NKAIN3: variants seen among roughly 807,000 people sequenced by gnomAD.
NKAIN3 encodes the protein sodium/potassium-transporting ATPase subunit beta-1-interacting protein 3.
A neutral mutation model predicts 30.2 loss-of-function variants in NKAIN3; 25 were observed. That is an observed-to-expected ratio of 0.83 (90% CI 0.60 to 1.16). The LOEUF is 1.16. Among genes scored for constraint, NKAIN3 ranks in the 50% most tolerant of loss-of-function variants. The probability of loss-of-function intolerance (pLI) is 0.00; values close to 1 mark genes in which losing one functional copy is unlikely to be tolerated. For missense variants in NKAIN3, 225 were observed against 254.1 expected, an observed-to-expected ratio of 0.89 and a Z score of 0.78; for synonymous variants, 91 against 89.6, an observed-to-expected ratio of 1.02 and a Z score of -0.09.
chr8:62,752,912 G>A (rs1483437224), intron 4 of NKAIN3, among the ~76,000 whole-genome samples: 2 of 152,114 alleles, frequency 1.3e-5, no homozygotes, highest in Non-Finnish European at 2.9e-5. Flanking sequence ...TATTTCTGAT[G>A]CAGACGCAAT....
At chr8:62,845,313 A>ATATATATATATATATATATATAT in intron 4 of NKAIN3, among the ~76,000 whole-genome samples, 2 of 138,586 alleles carry the variant, frequency 1.4e-5, no homozygotes, top group East Asian at 4.2e-4. Context: ...ATATATATAT[A>ATATATATATATATATATATATAT]GTACCTAATA....
At chr8:62,294,745 A>G (rs997941217) in intron 1 of NKAIN3, among the ~76,000 whole-genome samples, 8 of 152,022 alleles carry the variant, frequency 5.3e-5, no homozygotes, top group African/African-American at 9.7e-5. Flanking sequence ...GGGTCTCCCT[A>G]TGTTTCCCAG....
intron 1 of NKAIN3, among the ~76,000 whole-genome samples, chr8:62,475,581 A>C (rs527380176): frequency 6.6e-6 from 1 of 152,310 alleles, no homozygotes; most frequent in South Asian, 2.1e-4. Context: ...ATGTTTCATC[A>C]TCCCTAAAGA....
chr8:62,873,479 C>A (rs1373069530), intron 4 of NKAIN3, among the ~76,000 whole-genome samples: 1 of 148,164 alleles, frequency 6.7e-6, no homozygotes, highest in African/African-American at 2.5e-5. Context: ...AACTCTGGAT[C>A]AAATGGATCT....
rs1230773955 is a variant in NKAIN3, at chr8:62,978,027, G to GGGTA, written c.*12621_*12624dup. The GGGTA allele has an allele frequency of 6.5e-6, 1 of 154,522 alleles. No homozygotes were observed. The highest frequency in any genetic ancestry group is 2.4e-5 in the African/African-American group (1 of 41,488). The allele number at this position is 154,522 out of a possible 1,614,324, so 9.6% of individuals were successfully genotyped here. ...GGTCCACTCCATACCCTGTTTGCAT[G>GGGTA]GGTATCACCAGCAGAGGCTGCAGAA... On this transcript the variant is annotated 3_prime_UTR_variant, in exon 7 of 7. Coordinates refer to ENST00000623646, the MANE Select transcript of NKAIN3 (RefSeq NM_001304533.3).
chr8:62,405,920 A>G (rs1358651951), intron 1 of NKAIN3, among the ~76,000 whole-genome samples: 1 of 152,222 alleles, frequency 6.6e-6, no homozygotes, highest in East Asian at 1.9e-4. Context: ...CAAACTATTA[A>G]TAATTTACAC....
intron 4 of NKAIN3, among the ~76,000 whole-genome samples, chr8:62,792,720 C>T (rs1333017942): frequency 6.6e-6 from 1 of 151,986 alleles, no homozygotes; most frequent in Non-Finnish European, 1.5e-5. Flanking sequence ...CACAGATAAG[C>T]TGACACATGA....
At chr8:62,671,224 G>A (rs1813292324) in intron 3 of NKAIN3, among the ~76,000 whole-genome samples, 1 of 151,916 alleles carries the variant, frequency 6.6e-6, no homozygotes, top group African/African-American at 2.4e-5. Flanking sequence ...TTGATGATTT[G>A]AGATTTTTTT....
intron 4 of NKAIN3, among the ~76,000 whole-genome samples, chr8:62,872,327 G>A (rs1820672037): frequency 6.6e-6 from 1 of 152,236 alleles, no homozygotes; most frequent in Non-Finnish European, 1.5e-5. Flanking sequence ...GTGGTGACAT[G>A]TAGTGCAAGG....
intron 3 of NKAIN3, among the ~76,000 whole-genome samples, chr8:62,590,910 A>T (rs569310940): frequency 1.3e-5 from 2 of 152,072 alleles, no homozygotes; most frequent in South Asian, 4.1e-4. Flanking sequence ...TATTGAGTTC[A>T]GTATATTTGG....
rs532110210 is a variant in NKAIN3 at position 62,781,150 on chromosome 8, A to C, written c.471+34021A>C. Among the ~76,000 whole-genome samples the C allele has an allele frequency of 7.2e-5, 11 of 152,120 alleles. No individual in the cohort carries two copies. The East Asian group carries it at 1.9e-3, about 27-fold the overall frequency. On this transcript the variant is annotated intron_variant, in intron 4 of 6. Transcript: ENST00000623646. ...ATATGCAAATATTGAAATAGCCAAAAAGAAATCAAGAAGGCAATTCCATTT... is the reference window on the plus strand; with the variant it reads ...ATATGCAAATATTGAAATAGCCAAACAGAAATCAAGAAGGCAATTCCATTT...
chr8:62,504,035 A>G (rs940548317), intron 1 of NKAIN3, among the ~76,000 whole-genome samples: 5 of 152,202 alleles, frequency 3.3e-5, no homozygotes, highest in African/African-American at 1.2e-4. Context: ...AAATCTTCAC[A>G]ATTTATATTC....
At chr8:62,750,917 G>A (rs1334796008) in intron 4 of NKAIN3, among the ~76,000 whole-genome samples, 1 of 151,928 alleles carries the variant, frequency 6.6e-6, no homozygotes, top group Non-Finnish European at 1.5e-5. Flanking sequence ...ACCTGAAGCT[G>A]GCCAGTAACC....
chr8:62,354,712 G>A (rs1816290123), intron 1 of NKAIN3, among the ~76,000 whole-genome samples: 1 of 152,134 alleles, frequency 6.6e-6, no homozygotes, highest in Admixed American at 6.5e-5. Flanking sequence ...CAAAGTGCTG[G>A]GATTACAGAC....
chr8:62,633,831 C>A (rs1812040465), intron 3 of NKAIN3, among the ~76,000 whole-genome samples: 1 of 152,114 alleles, frequency 6.6e-6, no homozygotes, highest in Non-Finnish European at 1.5e-5. Context: ...ATGAAGAAGG[C>A]AGCCATTCCT....
intron 3 of NKAIN3, among the ~76,000 whole-genome samples, chr8:62,704,605 C>T (rs1814458721): frequency 6.6e-6 from 1 of 152,174 alleles, no homozygotes; most frequent in African/African-American, 2.4e-5. Context: ...TGCCAGTCTC[C>T]TTCATAGTAA....
At chr8:62,686,336 A>T (rs188765417) in intron 3 of NKAIN3, among the ~76,000 whole-genome samples, 34 of 152,142 alleles carry the variant, frequency 2.2e-4, no homozygotes, top group African/African-American at 7.5e-4. Context: ...CTCCCTGCCT[A>T]TTCCTACTCT....
At position 62,268,088 on chromosome 8, in the gene NKAIN3, A is replaced by G. The variant is rs544342963; in HGVS notation, c.54+18961A>G. Among the ~76,000 whole-genome samples the G allele has an allele frequency of 2.6e-5, 4 of 152,168 alleles. No individual in the cohort carries two copies. In the South Asian group the frequency reaches 6.2e-4, roughly 24 times the overall value. ...CATATAGTAAGAAATCAAGGAAGAA[A>G]TAGTTGCTGGGTTGGGATTCAATAA... On this transcript the variant is annotated intron_variant, in intron 1 of 6. Coordinates refer to ENST00000623646, the MANE Select transcript of NKAIN3 (RefSeq NM_001304533.3).
In NKAIN3 at chr8:62,449,162, G is replaced by A. The variant is rs1463044681; in HGVS notation, c.55-130377G>A. Among the ~76,000 whole-genome samples, 3 of 151,976 alleles carry A rather than the reference G, an allele frequency of 2.0e-5. No individual in the cohort carries two copies. In the East Asian group the frequency reaches 5.8e-4, roughly 29 times the overall value. On this transcript the variant is annotated intron_variant, in intron 1 of 6. Coordinates refer to ENST00000623646, the MANE Select transcript of NKAIN3 (RefSeq NM_001304533.3). The stretch of plus-strand genomic sequence containing the variant: ...GCTTCATTGAAGTGAAAAATAACTG[G>A]CCTTTAGAAGCAGTGTTTTAAAAAT...
Sources: allele counts gnomAD v4.1 joint callset (sites outside exome capture counted in the v4.1 genomes callset), GRCh38; gene constraint gnomAD v4.1.1; transcripts MANE v1.5; gene names NCBI Gene and HGNC (gene_info 2026-07-23, HGNC 2026-07-21).